U2AF1L4: variants seen among roughly 807,000 people sequenced by gnomAD.
The protein encoded by U2AF1L4 is splicing factor U2AF 26 kDa subunit.
In U2AF1L4, 21 loss-of-function variants were observed where a neutral mutation model predicts 21.7. The observed-to-expected ratio is 0.97, with a 90% CI of 0.69 to 1.39. U2AF1L4 has a LOEUF of 1.39. U2AF1L4 is among the 40% of genes most tolerant of loss of function. The pLI is 0.00. For synonymous variants in U2AF1L4, 92 were observed against 89.7 expected, an observed-to-expected ratio of 1.03 and a Z score of -0.15; for missense variants, 259 against 245.7, an observed-to-expected ratio of 1.05 and a Z score of -0.36.
At position 35,744,576 on chromosome 19, in the gene U2AF1L4, A is replaced by T. The variant is rs755262213; in HGVS notation, c.133-155T>A. On this transcript the variant is annotated intron_variant, in intron 2 of 5. Coordinates refer to ENST00000378975, the MANE Select transcript of U2AF1L4 (RefSeq NM_001040425.3). ...GGCGGGCAGGGTGGAATCAGAGTGT[A>T]GCCTACTGGGGGCTGTTCACCTTGC... 1.7e-5 allele frequency: 27 copies of T among 1,548,642 alleles called. No homozygotes were observed. The African/African-American group carries it at 3.7e-4, about 21-fold the overall frequency.
At chr19:35,743,416 A>AGTG in intron 5 of U2AF1L4, 1 of 191,902 alleles carries the variant, frequency 5.2e-6, no homozygotes, top group South Asian at 4.7e-5. Context: ...GTCAGCCGGG[A>AGTG]GTGGTGGCTC....
chr19:35,744,790 C>CCA, intron 2 of U2AF1L4: 1 of 1,390,106 alleles, frequency 7.2e-7, no homozygotes. Context: ...CCTTACACCC[C>CCA]AGCCTAAGCA....
rs17638853 is a variant in U2AF1L4 at position 35,743,751 on chromosome 19, T to C, written c.461+58A>G. 0.06 allele frequency: 77,529 copies of C among 1,287,570 alleles called. 2,441 individuals are homozygous for C. The highest frequency in any genetic ancestry group is 0.089 in the Middle Eastern group (476 of 5,346). 79.8% of individuals were successfully genotyped at this position (1,287,570 alleles called of 1,614,324 possible). A position where few individuals can be genotyped will look rare whatever the true frequency, so the allele number is the denominator to read the frequency against. On this transcript the variant is annotated intron_variant, in intron 5 of 5. Coordinates refer to ENST00000378975, the MANE Select transcript of U2AF1L4 (RefSeq NM_001040425.3). ...TTACTGGGGCTTAGGGTTAGGCTCA[T>C]CTGAGGATATAGGGGCCTTAGGACA... is the stretch of plus-strand genomic sequence containing the variant.
chr19:35,743,397 A>AAC (rs1813506708), intron 5 of U2AF1L4: 2 of 230,836 alleles, frequency 8.7e-6, no homozygotes, highest in South Asian at 4.5e-5. Context: ...AAAAAAAAAA[A>AAC]AAAAAACAGT....
chr19:35,742,579 G>C lies in U2AF1L4; in HGVS notation c.*140C>G, dbSNP rs1443488797. 2 of 1,613,702 alleles carry C rather than the reference G, an allele frequency of 1.2e-6. No homozygotes were observed. The highest frequency in any genetic ancestry group is 1.7e-5 in the Admixed American group (1 of 60,002). The stretch of plus-strand genomic sequence containing the variant: ...TATTAAGACAGGGGCGGTAGAAGAA[G>C]GTCTCCATGCTGAACAGATTACATT... On this transcript the variant is annotated 3_prime_UTR_variant, in exon 6 of 6. Coordinates refer to ENST00000378975, the MANE Select transcript of U2AF1L4 (RefSeq NM_001040425.3).
At chr19:35,744,931 G>C (rs1267088063) in intron 2 of U2AF1L4, 194 bp downstream of exon 2, 3 of 710,026 alleles carry the variant, frequency 4.2e-6, no homozygotes, top group Admixed American at 2.8e-5. Context: ...TGTACGCATG[G>C]GGGCGCGACC....
downstream of U2AF1L4, chr19:35,742,474 C>T: frequency 6.4e-7 from 1 of 1,554,146 alleles, no homozygotes; most frequent in Non-Finnish European, 8.7e-7. Context: ...CTTGTTTCCC[C>T]TTTTCGTCAC....
intron 5 of U2AF1L4, chr19:35,743,072 G>A: frequency 5.6e-6 from 3 of 536,076 alleles, no homozygotes; most frequent in South Asian, 4.7e-5. Flanking sequence ...TACTCTTAGG[G>A]TATAAGAGTC....
rs770561205 is a variant in U2AF1L4, at chr19:35,744,028, G to A, written c.349C>T (p.Arg117Cys). ...CTACCATACCCCATCTCATACTGGC[G>A]ACAGCATGACTCCCGGAAGTCAGTG... ...PVTDFRESCCRQYEMGECTRG... is the reference protein window; with the variant it reads ...PVTDFRESCCCQYEMGECTRG... The change falls in exon 4 of 6, where the codon CGC becomes TGC. Residue 117 changes from arginine (R) to cysteine (C), a missense_variant. By Grantham distance (180) the Arg-to-Cys change is radical. Transcript: ENST00000378975. 4.3e-6 allele frequency: 7 copies of A among 1,613,748 alleles called. No homozygotes were observed. The highest frequency in any genetic ancestry group is 1.3e-5 in the African/African-American group (1 of 74,840).
At chr19:35,745,268 A>C (rs1167176938) in intron 1 of U2AF1L4, 56 bp from the exon 2 acceptor site, 8 of 1,603,054 alleles carry the variant, frequency 5.0e-6, no homozygotes, top group Non-Finnish European at 6.8e-6. Context: ...TGGGCACCCC[A>C]GAAACACCGC....
chr19:35,744,770 G>A, intron 2 of U2AF1L4: 1 of 1,504,810 alleles, frequency 6.6e-7, no homozygotes, highest in Non-Finnish European at 8.9e-7. Flanking sequence ...CATGAAGGTT[G>A]GGGGTGGAAC....
rs142992870 is a variant in U2AF1L4 at position 35,744,917 on chromosome 19, A to T, written c.132+208T>A. 3.3e-4 allele frequency: 236 copies of T among 706,152 alleles called. 1 individual carries two copies. The East Asian group carries it at 6.0e-3, about 18-fold the overall frequency. 43.7% of individuals were successfully genotyped at this position (706,152 alleles called of 1,614,324 possible). A position where few individuals can be genotyped will look rare whatever the true frequency, so the allele number is the denominator to read the frequency against. ...GCAAAGATGAACAGCCGCCGTGTGT[A>T]GCCTGTACGCATGGGGGCGCGACCA... On this transcript the variant is annotated intron_variant, in intron 2 of 5. Coordinates refer to ENST00000378975, the MANE Select transcript of U2AF1L4 (RefSeq NM_001040425.3).
rs1953949983 is a variant in U2AF1L4 at position 35,745,122 on chromosome 19, C to CTG, written c.132+2_132+3insCA. 1 of 1,612,826 alleles carries CTG rather than the reference C, an allele frequency of 6.2e-7. No individual in the cohort carries two copies. The highest frequency in any genetic ancestry group is 1.3e-5 in the African/African-American group (1 of 74,934). On this transcript the variant is annotated splice_region_variant and intron_variant, in intron 2 of 5. Transcript: ENST00000378975. ...ACCCCCGAGGCTCCGTGCCGGGTCT[C>CTG]ACCTGGCTGAATGTCGGCTTGTTGT...
At chr19:35,744,804 T>C in intron 2 of U2AF1L4, 1 of 1,268,834 alleles carries the variant, frequency 7.9e-7, no homozygotes. Flanking sequence ...CTAAGCATCA[T>C]GAGTGCATCG....
rs778773785 is a variant in U2AF1L4 at position 35,744,371 on chromosome 19, A to G, written c.183T>C (p.Asn61=). The G allele has an allele frequency of 1.4e-5, 22 of 1,614,130 alleles. No individual in the cohort carries two copies. The South Asian group carries it at 2.2e-4, about 16-fold the overall frequency. Reference sequence around the variant, plus strand: ...GGTGGTCCCCAAGGTTGTCGCACACATTCATCTCTTCAATCTCCCCATACT... The same window carrying G: ...GGTGGTCCCCAAGGTTGTCGCACACGTTCATCTCTTCAATCTCCCCATACT... ...QEKYGEIEEM[N]VCDNLGDHLV... is the part of the protein sequence containing the mutation. Residue 61 remains asparagine, a synonymous_variant, in exon 3 of 6, where the codon AAT becomes AAC. Transcript: ENST00000378975.
chr19:35,742,557 T>C lies in U2AF1L4; in HGVS notation c.*162A>G, dbSNP rs769350350. ...GCCGAAGTGAAACACGCAGCTTTAT[T>C]AAGACAGGGGCGGTAGAAGAAGGTC... On this transcript the variant is annotated 3_prime_UTR_variant, in exon 6 of 6. Transcript: ENST00000378975. The C allele has an allele frequency of 6.2e-6, 10 of 1,613,422 alleles. No individual in the cohort carries two copies. The Admixed American group carries it at 6.7e-5, about 11-fold the overall frequency.
chr19:35,743,645 C>G (rs1244013485), intron 5 of U2AF1L4, 164 bp downstream of exon 5: 2 of 691,304 alleles, frequency 2.9e-6, no homozygotes, highest in Admixed American at 5.2e-5. Context: ...CAAGATGGTG[C>G]CAATGCACTC....
intron 2 of U2AF1L4, chr19:35,744,742 C>A (rs1970484481): frequency 2.0e-6 from 3 of 1,534,776 alleles, no homozygotes; most frequent in Non-Finnish European, 2.6e-6. Flanking sequence ...GGCAGGGCTG[C>A]ATGAACAGAG....
intron 2 of U2AF1L4, chr19:35,744,810 C>A: frequency 8.3e-7 from 1 of 1,206,442 alleles, no homozygotes; most frequent in South Asian, 1.3e-5. Flanking sequence ...ATCATGAGTG[C>A]ATCGGCGATC....
Sources: gnomAD v4.1 joint callset for allele counts on GRCh38, gnomAD v4.1.1 for gene constraint, MANE v1.5 for transcripts, NCBI Gene and HGNC (gene_info 2026-07-23, HGNC 2026-07-21) for gene names.